PAX6: variants seen among roughly 807,000 people sequenced by gnomAD.
PAX6 encodes the protein paired box 6, also known as paired box protein Pax-6.
A neutral mutation model predicts 60.7 loss-of-function variants in PAX6; 7 were observed. The observed-to-expected ratio is 0.12, with a 90% confidence interval of 0.07 to 0.22. The LOEUF is 0.22. Ranked by LOEUF, PAX6 falls within the 10% of genes least tolerant of loss-of-function variation. The pLI is 1.00. For missense variants in PAX6, 355 were observed against 555.2 expected (o/e 0.64, Z 3.62); for synonymous variants, 208 against 201.2 (o/e 1.03, Z -0.29).
At chr11:31,807,025 T>C (rs1252837940) in intron 2 of PAX6, 100 bp from the exon 3 acceptor site, 2 of 152,352 alleles carry the variant, frequency 1.3e-5, no homozygotes, top group Non-Finnish European at 2.9e-5. Context: ...AACACATGCA[T>C]CTAGGGCTCA....
intron 10 of PAX6, 75 bp downstream of exon 10, chr11:31,793,957 G>T: frequency 7.9e-7 from 1 of 1,260,054 alleles, no homozygotes; most frequent in Non-Finnish European, 1.2e-6. Context: ...ATAGTACTCT[G>T]TACAAGCACC....
chr11:31,816,338 C>G (rs967547098), intron 1 of PAX6: 1 of 551,606 alleles, frequency 1.8e-6, no homozygotes, highest in East Asian at 3.0e-5. Flanking sequence ...ACAAGCCTAT[C>G]ACGGGCGCCC....
intron 1 of PAX6, chr11:31,816,467 AGC>A: frequency 1.5e-6 from 1 of 687,220 alleles, no homozygotes; most frequent in Non-Finnish European, 2.7e-6. Context: ...TCGCCGTGAC[AGC>A]CGAATAAACA....
chr11:31,806,236 C>T, intron 4 of PAX6, 166 bp downstream of exon 4: 1 of 663,858 alleles, frequency 1.5e-6, no homozygotes, highest in Non-Finnish European at 2.4e-6. Context: ...ACGCCCTCCC[C>T]TCCCGGGCTG....
chr11:31,813,689 A>G (rs1287493899), upstream of PAX6, among the ~76,000 whole-genome samples: 1 of 152,162 alleles, frequency 6.6e-6, no homozygotes, highest in Non-Finnish European at 1.5e-5. Context: ...AGACTCCTGG[A>G]AACTCCTCCG....
intron 11 of PAX6, 49 bp from the exon 12 acceptor site, chr11:31,793,602 A>C: frequency 6.2e-7 from 1 of 1,613,716 alleles, no homozygotes; most frequent in South Asian, 1.1e-5. Context: ...CAGAGCCCGG[A>C]GCAAACAGGT....
intron 7 of PAX6, chr11:31,801,173 G>T (rs1043441393): frequency 3.4e-6 from 4 of 1,175,346 alleles, no homozygotes; most frequent in African/African-American, 1.5e-5. Context: ...TAGACTTGTT[G>T]TAAAGCTTTC....
At chr11:31,817,120 G>T (rs1225262785) in intron 1 of PAX6, among the ~76,000 whole-genome samples, 1 of 152,258 alleles carries the variant, frequency 6.6e-6, no homozygotes, top group Non-Finnish European at 1.5e-5. Flanking sequence ...GAGGCAGCCA[G>T]CGCAGCGCCC....
intron 4 of PAX6, 147 bp downstream of exon 4, chr11:31,806,255 G>A (rs1390074073): frequency 1.1e-5 from 9 of 804,478 alleles, no homozygotes; most frequent in Non-Finnish European, 1.3e-5. Context: ...TGCCGGGCGC[G>A]GAGCGGGGAG....
At chr11:31,794,874 G>A in intron 8 of PAX6, 86 bp from the exon 9 acceptor site, 2 of 1,260,086 alleles carry the variant, frequency 1.6e-6, no homozygotes, top group Non-Finnish European at 2.3e-6. Context: ...TAAACTCCAA[G>A]AGCATTATAT....
At chr11:31,800,455 C>G (rs1953314725) in intron 8 of PAX6, 1 of 621,052 alleles carries the variant, frequency 1.6e-6, no homozygotes, top group African/African-American at 1.8e-5. Flanking sequence ...ACGCACCCAC[C>G]AGCCACCTTC....
In PAX6 at chr11:31,789,299, C is replaced by T; in HGVS notation, c.*635G>A. 1.3e-5 allele frequency: 3 copies of T among 235,348 alleles called. No homozygotes were observed. Among genetic ancestry groups the T allele is most frequent in the Non-Finnish European group, 2.5e-5 (3 of 120,428 alleles). The allele number at this position is 235,348 out of a possible 1,614,324, so 14.6% of individuals were successfully genotyped here. On this transcript the variant is annotated 3_prime_UTR_variant, in exon 14 of 14. Transcript: ENST00000640368. ...AAAACAAATTGGATTATATCGAAGA[C>T]ACACTCTACCTTTTAGCTATCAACT...
chr11:31,806,171 G>A, intron 4 of PAX6: 1 of 496,492 alleles, frequency 2.0e-6, no homozygotes, highest in Non-Finnish European at 3.5e-6. Context: ...AACTCGGGCG[G>A]GCTGTTCTTA....
At chr11:31,796,132 C>T (rs1339794883) in intron 8 of PAX6, among the ~76,000 whole-genome samples, 2 of 152,234 alleles carry the variant, frequency 1.3e-5, no homozygotes, top group African/African-American at 2.4e-5. Context: ...GATTCATCGG[C>T]ACTGGCCACC....
Position 31,806,858 on chromosome 11 carries a change from C to T in PAX6, c.-61G>A, listed in dbSNP as rs1955945128. ...CCACCACAGAACTTGCCTGAAATCTCGGATGTCTGTCCACTCTCACAATAA... is the reference window on the plus strand; with the variant it reads ...CCACCACAGAACTTGCCTGAAATCTTGGATGTCTGTCCACTCTCACAATAA... On this transcript the variant is annotated 5_prime_UTR_variant, in exon 3 of 14. Coordinates refer to ENST00000640368, the MANE Select transcript of PAX6 (RefSeq NM_001368894.2). The T allele has an allele frequency of 1.2e-5, 2 of 166,678 alleles. No homozygotes were observed. Among genetic ancestry groups the T allele is most frequent in the Admixed American group, 6.2e-5 (1 of 16,142 alleles). The allele number at this position is 166,678 out of a possible 1,614,324, so 10.3% of individuals were successfully genotyped here. A position where few individuals can be genotyped will look rare whatever the true frequency, so the allele number is the denominator to read the frequency against.
chr11:31,816,519 A>C (rs1275545458), intron 1 of PAX6: 1 of 702,534 alleles, frequency 1.4e-6, no homozygotes, highest in Non-Finnish European at 2.6e-6. Flanking sequence ...AGGAGGCCCG[A>C]GGATGGCTGG....
Position 31,800,717 on chromosome 11 carries a change from G to C in PAX6, c.539C>G (p.Thr180Ser). 1 of 1,614,210 alleles carries C rather than the reference G, an allele frequency of 6.2e-7. No homozygotes were observed. Among genetic ancestry groups the C allele is most frequent in the Non-Finnish European group, 8.5e-7 (1 of 1,180,038 alleles). ...WGTRPGWYPG[T>S]SVPGQPTQDG... The stretch of plus-strand genomic sequence containing the variant: ...TTGCGTAGGTTGCCCTGGCACCGAA[G>C]TCCCCGGATACCAACCAGGGCGGGT... Residue 180 changes from threonine to serine, a missense_variant, in exon 8 of 14, where the codon ACT becomes AGT. Physicochemically the swap from Thr to Ser is moderately conservative, Grantham distance 58. Around this residue, in one of 5 missense-constraint regions of PAX6, gnomAD observed 143 missense variants for 183.6 expected, o/e 0.78. Coordinates refer to ENST00000640368, the MANE Select transcript of PAX6 (RefSeq NM_001368894.2).
intron 9 of PAX6, 98 bp downstream of exon 9, chr11:31,794,532 C>T: frequency 1.7e-6 from 2 of 1,210,182 alleles, no homozygotes; most frequent in Non-Finnish European, 1.2e-6. Context: ...TCTTTTCATT[C>T]TTCTATGCAA....
Position 31,793,498 on chromosome 11 carries a change from G to A in PAX6, c.1014C>T (p.Asn338=). 1 of 1,614,264 alleles carries A rather than the reference G, an allele frequency of 6.2e-7. No individual in the cohort carries two copies. The highest frequency in any genetic ancestry group is 8.5e-7 in the Non-Finnish European group (1 of 1,180,054). The change falls in exon 12 of 14, where the codon AAC becomes AAT. Residue 338 remains asparagine, a synonymous_variant. Coordinates refer to ENST00000640368, the MANE Select transcript of PAX6 (RefSeq NM_001368894.2). ...MLGRTDTALT[N]TYSALPPMPS... ...GCATAGGCGGCAGAGCGCTGTAGGTGTTTGTGAGGGCTGTGTCTGTTCGGC... is the reference window on the plus strand; with the variant it reads ...GCATAGGCGGCAGAGCGCTGTAGGTATTTGTGAGGGCTGTGTCTGTTCGGC...
Sources: gnomAD v4.1 joint callset for allele counts (sites outside exome capture counted in the v4.1 genomes callset) on GRCh38, gnomAD v4.1.1 for gene constraint, gnomAD v4.1.1 regional missense constraint, MANE v1.5 for transcripts, NCBI Gene and HGNC (gene_info 2026-07-23, HGNC 2026-07-21) for gene names.